FBXO32: variants seen among roughly 807,000 people sequenced by gnomAD.
The protein encoded by FBXO32 is F-box protein 32.
FBXO32 carries 15 observed loss-of-function variants against 48.3 expected under a neutral mutation model. The observed-to-expected ratio is 0.31, with a 90% CI of 0.21 to 0.48. The LOEUF is 0.48. FBXO32 is among the 20% of genes least tolerant of loss of function. FBXO32 has a pLI of 0.99. For missense variants in FBXO32, 309 were observed against 432.7 expected, an observed-to-expected ratio of 0.71 and a Z score of 2.54; for synonymous variants, 154 against 165.9, an observed-to-expected ratio of 0.93 and a Z score of 0.55.
intron 3 of FBXO32, among the ~76,000 whole-genome samples, chr8:123,532,819 A>T (rs1407716637): frequency 1.3e-5 from 2 of 152,258 alleles, no homozygotes; most frequent in African/African-American, 4.8e-5. Flanking sequence ...TTTAGTGATT[A>T]GCGCTTCCAG....
chr8:123,537,652 G>C (rs924575482), intron 1 of FBXO32, among the ~76,000 whole-genome samples: 4 of 152,154 alleles, frequency 2.6e-5, no homozygotes, highest in African/African-American at 7.2e-5. Flanking sequence ...CGCATTTCTA[G>C]ATCGCCACAC....
At chr8:123,504,036 C>T (rs1174136870) in intron 8 of FBXO32, among the ~76,000 whole-genome samples, 2 of 150,092 alleles carry the variant, frequency 1.3e-5, no homozygotes, top group Non-Finnish European at 3.0e-5. Context: ...GCCGAGGTCC[C>T]ACCACTGCAC....
intron 1 of FBXO32, among the ~76,000 whole-genome samples, chr8:123,536,448 G>A (rs974588340): frequency 6.6e-6 from 1 of 152,140 alleles, no homozygotes; most frequent in Non-Finnish European, 1.5e-5. Context: ...AAGGTCAGAA[G>A]GAAAAGAGGG....
In FBXO32 at chr8:123,500,321, C is replaced by T. The variant is rs958618532; in HGVS notation, c.*3052G>A. 6.6e-6 allele frequency: 1 copy of T among 152,218 alleles called. No individual in the cohort carries two copies. Among genetic ancestry groups the T allele is most frequent in the Non-Finnish European group, 1.5e-5 (1 of 68,038 alleles). 9.4% of individuals were successfully genotyped at this position (152,218 alleles called of 1,614,324 possible). Reference sequence around the variant, plus strand: ...ATACTGCCCTGGGCAGAACTCTTTCCTTCTTTGGAAGTCTGAATTACTTCA... The same window carrying T: ...ATACTGCCCTGGGCAGAACTCTTTCTTTCTTTGGAAGTCTGAATTACTTCA... On this transcript the variant is annotated 3_prime_UTR_variant, in exon 9 of 9. Coordinates refer to ENST00000517956, the MANE Select transcript of FBXO32 (RefSeq NM_058229.4).
At chr8:123,519,284 C>T (rs893375921) in intron 4 of FBXO32, among the ~76,000 whole-genome samples, 13 of 152,152 alleles carry the variant, frequency 8.5e-5, no homozygotes, top group Middle Eastern at 3.4e-3. Context: ...CTGGGCGTGG[C>T]GGCTCACGCC....
intron 4 of FBXO32, among the ~76,000 whole-genome samples, chr8:123,520,318 G>A (rs563564713): frequency 1.3e-5 from 2 of 152,260 alleles, no homozygotes; most frequent in East Asian, 1.9e-4. Context: ...AGAGAGGCAG[G>A]GGGAGGGAAG....
chr8:123,499,671 TACACTGTTGAA>T lies in FBXO32; in HGVS notation c.*3691_*3701del, dbSNP rs1457110421. The stretch of plus-strand genomic sequence containing the variant: ...ACATTGTATTGAATGCTAAGAATGA[TACACTGTTGAA>T]CATCTCCTGAATGGTTTGCCTTCTT... On this transcript the variant is annotated 3_prime_UTR_variant, in exon 9 of 9. Transcript: ENST00000517956. The T allele has an allele frequency of 6.6e-6, 1 of 152,240 alleles. No individual in the cohort carries two copies. Among genetic ancestry groups the T allele is most frequent in the Non-Finnish European group, 1.5e-5 (1 of 68,044 alleles). 9.4% of individuals were successfully genotyped at this position (152,240 alleles called of 1,614,324 possible).
chr8:123,504,684 G>C lies in FBXO32; in HGVS notation c.898C>G (p.Leu300Val). 6.2e-7 allele frequency: 1 copy of C among 1,614,066 alleles called. No individual in the cohort carries two copies. Among genetic ancestry groups the C allele is most frequent in the Non-Finnish European group, 8.5e-7 (1 of 1,179,988 alleles). Residue 300 changes from leucine to valine, a missense_variant, in exon 8 of 9, where the codon CTT (leucine) becomes GTT (valine). Physicochemically the swap from Leu to Val is conservative, Grantham distance 32. Coordinates refer to ENST00000517956, the MANE Select transcript of FBXO32 (RefSeq NM_058229.4). ...TCTTTCCTTGGGTAACATCGGACAA[G>C]TTTGAAATACATCTTCTTCCAATCC... ...QLDWKKMYFK[L>V]VRCYPRKEQY... is the part of the protein sequence containing the mutation.
chr8:123,526,345 C>T (rs759929643), intron 4 of FBXO32, among the ~76,000 whole-genome samples: 7 of 151,988 alleles, frequency 4.6e-5, no homozygotes, highest in East Asian at 1.9e-4. Context: ...CCTGCCTCAG[C>T]GTCCCGAGTA....
At chr8:123,530,028 G>A (rs553722691) in intron 4 of FBXO32, among the ~76,000 whole-genome samples, 1 of 152,318 alleles carries the variant, frequency 6.6e-6, no homozygotes, top group Non-Finnish European at 1.5e-5. Flanking sequence ...GCCTAGACTA[G>A]TCTGTGGGCC....
intron 1 of FBXO32, among the ~76,000 whole-genome samples, chr8:123,537,086 A>G (rs900157421): frequency 2.5e-4 from 38 of 152,364 alleles, no homozygotes; most frequent in Admixed American, 2.2e-3. Context: ...TTGCCTACTT[A>G]TAAGTTTTCT....
intron 4 of FBXO32, among the ~76,000 whole-genome samples, chr8:123,521,426 TG>T (rs902561043): frequency 6.6e-6 from 1 of 152,270 alleles, no homozygotes; most frequent in Non-Finnish European, 1.5e-5. Flanking sequence ...GATATCTATA[TG>T]GAGACTAGTT....
At position 123,513,296 on chromosome 8, in the gene FBXO32, C is replaced by T. The variant is rs1193372337; in HGVS notation, c.553G>A (p.Gly185Ser). The change falls in exon 6 of 9, where the codon GGC becomes AGC. Residue 185 changes from glycine to serine, a missense_variant. Transcript: ENST00000517956. The surrounding 1 kb of genome is among the most constrained non-coding windows in gnomAD (Gnocchi z 4.3). Reference protein sequence around the residue: ...TSLCTLVQRVGKSVLVGNINM... With the variant: ...TSLCTLVQRVSKSVLVGNINM... ...ATGTTCCCGACCAGCACAGACTTGC[C>T]GACTCTTTGGACCAGTGTACATAAG... 3 of 1,614,132 alleles carry T rather than the reference C, an allele frequency of 1.9e-6. No individual in the cohort carries two copies. The highest frequency in any genetic ancestry group is 1.7e-5 in the Admixed American group (1 of 60,026).
chr8:123,534,639 C>T, intron 2 of FBXO32, 63 bp downstream of exon 2: 1 of 1,068,606 alleles, frequency 9.4e-7, no homozygotes, highest in Non-Finnish European at 1.4e-6. Context: ...TTTTTTTCAT[C>T]CAAGAACCAA....
At chr8:123,532,734 C>T (rs1164121283) in intron 3 of FBXO32, among the ~76,000 whole-genome samples, 1 of 152,186 alleles carries the variant, frequency 6.6e-6, no homozygotes, top group Non-Finnish European at 1.5e-5. Flanking sequence ...TATAAAGTAC[C>T]ATACAAATGT....
Position 123,507,000 on chromosome 8 carries a change from C to A in FBXO32, c.652-426G>T, listed in dbSNP as rs911461949. Among the ~76,000 whole-genome samples the A allele has an allele frequency of 6.6e-6, 1 of 152,212 alleles. No homozygotes were observed. The highest frequency in any genetic ancestry group is 1.5e-5 in the Non-Finnish European group (1 of 68,038). ...CATCAGGTCCCTCCAAGTAGGTTTA[C>A]TCACTGGCACCTAAACACACCTGGC... On this transcript the variant is annotated intron_variant, in intron 6 of 8. Coordinates refer to ENST00000517956, the MANE Select transcript of FBXO32 (RefSeq NM_058229.4). The surrounding 1 kb of genome is among the most constrained non-coding windows in gnomAD (Gnocchi z 4.0).
At chr8:123,507,558 C>T (rs563384241) in intron 6 of FBXO32, among the ~76,000 whole-genome samples, 4 of 151,698 alleles carry the variant, frequency 2.6e-5, no homozygotes, top group South Asian at 2.1e-4. Context: ...CTATTTCAAC[C>T]GAGGCCTCCG....
At chr8:123,528,902 A>AG (rs758381071) in intron 4 of FBXO32, among the ~76,000 whole-genome samples, 10 of 152,114 alleles carry the variant, frequency 6.6e-5, no homozygotes, top group Non-Finnish European at 1.0e-4. Flanking sequence ...ACCAGTAATC[A>AG]TTGTAGCATT....
chr8:123,503,762 G>A (rs907944165), intron 8 of FBXO32, among the ~76,000 whole-genome samples: 1 of 152,144 alleles, frequency 6.6e-6, no homozygotes, highest in Non-Finnish European at 1.5e-5. Context: ...ATCAGTAAGT[G>A]AATGTAGTAT....
Sources: allele counts gnomAD v4.1 joint callset (sites outside exome capture counted in the v4.1 genomes callset), GRCh38; gene constraint gnomAD v4.1.1; non-coding constraint Gnocchi (gnomAD v3.1); transcripts MANE v1.5; gene names NCBI Gene and HGNC (gene_info 2026-07-23, HGNC 2026-07-21).